Variants in OSBPL1A observed in about 807,000 individuals in gnomAD.
OSBPL1A encodes the protein oxysterol binding protein like 1A.
OSBPL1A carries 80 observed loss-of-function variants against 137.1 expected under a neutral mutation model. The observed-to-expected ratio is 0.58, with a 90% CI of 0.49 to 0.70. The LOEUF (loss-of-function observed/expected upper bound fraction) is 0.70. Among genes scored for constraint, OSBPL1A ranks in the 30% least tolerant of loss-of-function variants. The pLI, the probability that OSBPL1A is intolerant of heterozygous loss-of-function variation, is 0.00. For synonymous variants in OSBPL1A, 365 were observed against 389.7 expected, an observed-to-expected ratio of 0.94 and a Z score of 0.75; for missense variants, 970 against 1,129.4, an observed-to-expected ratio of 0.86 and a Z score of 2.02.
intron 14 of OSBPL1A, among the ~76,000 whole-genome samples, chr18:24,285,239 A>G (rs1407962996): frequency 6.6e-6 from 1 of 152,196 alleles, no homozygotes; most frequent in African/African-American, 2.4e-5. Context: ...AGCTTTGCCA[A>G]AATAAAACCT....
chr18:24,299,444 G>T (rs1458767342), intron 14 of OSBPL1A, among the ~76,000 whole-genome samples: 1 of 152,004 alleles, frequency 6.6e-6, no homozygotes, highest in Non-Finnish European at 1.5e-5. Flanking sequence ...GCAAATTCAC[G>T]TAGAGTTTAT....
intron 2 of OSBPL1A, among the ~76,000 whole-genome samples, chr18:24,371,181 G>A (rs1041870033): frequency 6.6e-6 from 1 of 151,962 alleles, no homozygotes; most frequent in Non-Finnish European, 1.5e-5. Flanking sequence ...GCTAACCAAC[G>A]GTGAAGAAAA....
intron 2 of OSBPL1A, among the ~76,000 whole-genome samples, chr18:24,377,128 G>A (rs1032248979): frequency 6.6e-6 from 1 of 152,244 alleles, no homozygotes; most frequent in Non-Finnish European, 1.5e-5. Flanking sequence ...TGTGAGGACT[G>A]CCAGCACGCT....
intron 14 of OSBPL1A, among the ~76,000 whole-genome samples, chr18:24,300,410 C>T (rs891793054): frequency 6.6e-6 from 1 of 152,128 alleles, no homozygotes; most frequent in African/African-American, 2.4e-5. Context: ...AAAAGATTTT[C>T]AATGTAAAAA....
Position 24,318,701 on chromosome 18 carries a change from AT to A in OSBPL1A, c.687+46del, listed in dbSNP as rs759156652. 1.6e-4 allele frequency: 255 copies of A among 1,593,742 alleles called. 1 individual carries two copies. The highest frequency in any genetic ancestry group is 2.1e-4 in the Non-Finnish European group (241 of 1,170,984). ...ATCTACATATTTCAAACATTCAAAA[AT>A]TTTTTTCTAAAAATTATTAGATAAA... On this transcript the variant is annotated intron_variant, in intron 8 of 27. Coordinates refer to ENST00000319481, the MANE Select transcript of OSBPL1A (RefSeq NM_080597.4).
At chr18:24,253,175 G>GT (rs2089160230) in intron 15 of OSBPL1A, among the ~76,000 whole-genome samples, 1 of 131,870 alleles carries the variant, frequency 7.6e-6, no homozygotes, top group South Asian at 2.8e-4. Flanking sequence ...GGCGGGGGGG[G>GT]GCGCTGAATG....
At chr18:24,168,583 A>C (rs1219731936) in intron 24 of OSBPL1A, among the ~76,000 whole-genome samples, 1 of 152,210 alleles carries the variant, frequency 6.6e-6, no homozygotes, top group Non-Finnish European at 1.5e-5. Context: ...ATATGGAATG[A>C]AGGCTTTGGA....
intron 15 of OSBPL1A, chr18:24,272,042 G>A (rs1363101281): frequency 8.1e-6 from 8 of 982,386 alleles, no homozygotes; most frequent in Non-Finnish European, 9.7e-6. Context: ...CAGCGTCCGG[G>A]CCGCTCCTCC....
At chr18:24,173,275 A>T (rs1231664845) in intron 21 of OSBPL1A, among the ~76,000 whole-genome samples, 1 of 152,150 alleles carries the variant, frequency 6.6e-6, no homozygotes, top group African/African-American at 2.4e-5. Flanking sequence ...GAGGGAGAGG[A>T]TCAGAAAAAA....
chr18:24,265,856 C>A (rs1352675191), intron 15 of OSBPL1A, among the ~76,000 whole-genome samples: 2 of 152,232 alleles, frequency 1.3e-5, no homozygotes, highest in Non-Finnish European at 2.9e-5. Flanking sequence ...AACCACTGTG[C>A]TTCTTGTTAT....
chr18:24,215,842 T>C (rs2087681460), intron 17 of OSBPL1A, among the ~76,000 whole-genome samples: 1 of 152,166 alleles, frequency 6.6e-6, no homozygotes, highest in South Asian at 2.1e-4. Flanking sequence ...ACTCAAAATC[T>C]TGTGTTCACG....
At chr18:24,257,317 C>T (rs1377253463) in intron 15 of OSBPL1A, among the ~76,000 whole-genome samples, 1 of 152,068 alleles carries the variant, frequency 6.6e-6, no homozygotes, top group Non-Finnish European at 1.5e-5. Flanking sequence ...AACCCAGAAA[C>T]ACATCCTCAC....
chr18:24,371,871 C>A (rs1313790146), intron 2 of OSBPL1A, among the ~76,000 whole-genome samples: 1 of 152,198 alleles, frequency 6.6e-6, no homozygotes, highest in African/African-American at 2.4e-5. Flanking sequence ...ACATTCTTCC[C>A]TAGCTGCCAC....
At chr18:24,369,002 T>G (rs1393146774) in intron 2 of OSBPL1A, among the ~76,000 whole-genome samples, 2 of 152,286 alleles carry the variant, frequency 1.3e-5, no homozygotes, top group Non-Finnish European at 2.9e-5. Flanking sequence ...AGTGTGTGGT[T>G]GTTTCCTGAG....
chr18:24,358,436 G>A (rs1037859619), intron 4 of OSBPL1A: 2 of 702,006 alleles, frequency 2.8e-6, no homozygotes, highest in African/African-American at 3.5e-5. Context: ...CCACCCTCGT[G>A]CACAGGTGTG....
At chr18:24,388,800 C>CAAAAAAAAAA (rs57143270) in intron 1 of OSBPL1A, among the ~76,000 whole-genome samples, 2 of 82,834 alleles carry the variant, frequency 2.4e-5, no homozygotes, top group African/African-American at 4.5e-5. Context: ...GACTCTGTCT[C>CAAAAAAAAAA]AAAAAAAAAA....
intron 15 of OSBPL1A, among the ~76,000 whole-genome samples, chr18:24,247,475 T>C (rs2088933875): frequency 2.0e-5 from 3 of 152,118 alleles, no homozygotes; most frequent in Admixed American, 2.0e-4. Flanking sequence ...AAGAGGTGTT[T>C]GTTTGTTTGA....
chr18:24,201,434 C>A (rs1024378203), intron 17 of OSBPL1A, among the ~76,000 whole-genome samples: 3 of 152,146 alleles, frequency 2.0e-5, no homozygotes, highest in Non-Finnish European at 4.4e-5. Flanking sequence ...TCACGATCTC[C>A]AAAATCTTTA....
intron 14 of OSBPL1A, 130 bp downstream of exon 14, chr18:24,303,507 A>T: frequency 3.2e-6 from 2 of 630,858 alleles, no homozygotes; most frequent in South Asian, 6.6e-5. Context: ...TAAAGTTTCA[A>T]AATAGTTTTA....
Sources: allele counts gnomAD v4.1 joint callset (sites outside exome capture counted in the v4.1 genomes callset), GRCh38; gene constraint gnomAD v4.1.1; transcripts MANE v1.5; gene names NCBI Gene and HGNC (gene_info 2026-07-23, HGNC 2026-07-21).